VPS45: variants seen among roughly 807,000 people sequenced by gnomAD.
VPS45 encodes vacuolar protein sorting 45 homolog, also known as vacuolar protein sorting-associated protein 45.
Under a neutral mutation model 75.9 loss-of-function variants are expected in VPS45, and 35 were observed. The ratio of observed to expected loss-of-function variants is 0.46; its 90% CI spans 0.35 to 0.61. The LOEUF (loss-of-function observed/expected upper bound fraction) is 0.61. Among genes scored for constraint, VPS45 ranks in the 20% least tolerant of loss-of-function variants. VPS45 has a pLI of 0.00. For missense variants in VPS45, 559 were observed against 685.9 expected (o/e 0.81, Z 2.07); for synonymous variants, 220 against 238.2 (o/e 0.92, Z 0.70).
At chr1:150,082,600 A>G (rs1234868162) in intron 9 of VPS45, 116 bp from the exon 10 acceptor site, 3 of 1,264,890 alleles carry the variant, frequency 2.4e-6, no homozygotes, top group Admixed American at 4.6e-5. Context: ...TGAAAGTTGT[A>G]GATGCTTTAA....
At position 150,074,131 on chromosome 1, in the gene VPS45, C is replaced by A. The variant is rs12085962; in HGVS notation, c.289+1905C>A. Among the ~76,000 whole-genome samples, 856 of 151,924 alleles carry A rather than the reference C, an allele frequency of 5.6e-3. 12 individuals carry two copies. Among genetic ancestry groups the A allele is most frequent in the African/African-American group, 0.02 (817 of 41,442 alleles). ...CCGGGTTCAAGCGATTCTCCCACCT[C>A]AGCCTCCCGAGTAGCTAGGATTACA... On this transcript the variant is annotated intron_variant, in intron 3 of 14. Coordinates refer to ENST00000644510, the MANE Select transcript of VPS45 (RefSeq NM_007259.5).
rs1553816210 is a variant in VPS45, at chr1:150,144,830, CTT to C, written c.*35_*36del. 1.2e-6 allele frequency: 2 copies of C among 1,613,614 alleles called. No individual in the cohort carries two copies. Among genetic ancestry groups the C allele is most frequent in the South Asian group, 1.1e-5 (1 of 90,972 alleles). On this transcript the variant is annotated 3_prime_UTR_variant, in exon 15 of 15. Coordinates refer to ENST00000644510, the MANE Select transcript of VPS45 (RefSeq NM_007259.5). The stretch of plus-strand genomic sequence containing the variant: ...TTGGGGGAAGGGCACAGCTTCCTCT[CTT>C]GTCCCCACTACAGGTTTTCCCTACT...
At position 150,081,004 on chromosome 1, in the gene VPS45, C is replaced by A. The variant is rs191280603; in HGVS notation, c.688-338C>A. Among the ~76,000 whole-genome samples the A allele has an allele frequency of 7.0e-3, 1,067 of 152,248 alleles. 8 individuals are homozygous for A. Among genetic ancestry groups the A allele is most frequent in the Middle Eastern group, 0.034 (10 of 294 alleles). On this transcript the variant is annotated intron_variant, in intron 7 of 14. Transcript: ENST00000644510. ...GCTTGTAACTGCAGTACCAATATAG[C>A]TCTATCTGTGAAGCCAAAAATATAC...
At chr1:150,100,244 AAAAAT>A (rs1446203065) in intron 13 of VPS45, among the ~76,000 whole-genome samples, 1 of 152,212 alleles carries the variant, frequency 6.6e-6, no homozygotes, top group African/African-American at 2.4e-5. Context: ...CTGCCACCAA[AAAAAT>A]AAAATACCTA....
intron 14 of VPS45, among the ~76,000 whole-genome samples, chr1:150,131,078 T>G (rs1658807217): frequency 6.6e-6 from 1 of 152,106 alleles, no homozygotes; most frequent in South Asian, 2.1e-4. Context: ...GGTGTAAGCG[T>G]TTTTAAGATG....
In VPS45 at chr1:150,077,182, G is replaced by C. The variant is rs142225617; in HGVS notation, c.527G>C (p.Arg176Pro). 6.2e-7 allele frequency: 1 copy of C among 1,614,042 alleles called. No homozygotes were observed. Among genetic ancestry groups the C allele is most frequent in the Non-Finnish European group, 8.5e-7 (1 of 1,180,000 alleles). ...LLSLKKCPMI[R>P]YQLSSEAAKR... ...TCTCTGAAGAAGTGTCCCATGATTC[G>C]TTATCAGCTCTCATCAGAGGCAGCA... The change falls in exon 6 of 15, where the codon CGT becomes CCT. Residue 176 changes from arginine (R) to proline (P), a missense_variant. Arg to Pro is a moderately radical substitution (Grantham distance 103). Transcript: ENST00000644510.
At chr1:150,098,053 T>TG (rs1324716463) in intron 13 of VPS45, among the ~76,000 whole-genome samples, 7 of 152,166 alleles carry the variant, frequency 4.6e-5, no homozygotes, top group African/African-American at 1.7e-4. Context: ...TTTGCTATGT[T>TG]GCCTAGGCTT....
intron 14 of VPS45, among the ~76,000 whole-genome samples, chr1:150,117,474 A>G (rs1658000673): frequency 6.6e-6 from 1 of 151,876 alleles, no homozygotes; most frequent in African/African-American, 2.4e-5. Context: ...GTGAGCCGAG[A>G]TCGCACCACT....
At chr1:150,100,129 C>T (rs1396806115) in intron 13 of VPS45, among the ~76,000 whole-genome samples, 1 of 152,202 alleles carries the variant, frequency 6.6e-6, no homozygotes, top group Non-Finnish European at 1.5e-5. Context: ...TAAACAACTT[C>T]AGCAAAGTTG....
intron 14 of VPS45, among the ~76,000 whole-genome samples, chr1:150,143,599 AAG>A (rs1553815887): frequency 0.016 from 2,414 of 151,530 alleles, 64 homozygotes; most frequent in African/African-American, 0.056. Flanking sequence ...AAAAAAAAAA[AAG>A]AAGATTTCAG....
chr1:150,137,378 A>G (rs1659166372), intron 14 of VPS45, among the ~76,000 whole-genome samples: 1 of 152,236 alleles, frequency 6.6e-6, no homozygotes, highest in African/African-American at 2.4e-5. Flanking sequence ...AAGGATGAAG[A>G]AAGTAATACT....
chr1:150,126,615 A>G (rs1553810800), intron 14 of VPS45, among the ~76,000 whole-genome samples: 1 of 152,214 alleles, frequency 6.6e-6, no homozygotes, highest in African/African-American at 2.4e-5. Flanking sequence ...AACTCATCAA[A>G]GAATATCCTT....
At chr1:150,126,734 A>G (rs1415481601) in intron 14 of VPS45, among the ~76,000 whole-genome samples, 2 of 152,020 alleles carry the variant, frequency 1.3e-5, no homozygotes, top group South Asian at 2.1e-4. Context: ...GGGAGGCTCA[A>G]TTGGGAGGAT....
intron 7 of VPS45, among the ~76,000 whole-genome samples, chr1:150,079,888 A>G (rs1443747829): frequency 6.6e-6 from 1 of 152,230 alleles, no homozygotes; most frequent in Admixed American, 6.5e-5. Flanking sequence ...GATAATATCA[A>G]AAAGTAGAAA....
intron 14 of VPS45, among the ~76,000 whole-genome samples, chr1:150,118,191 C>T (rs1187860859): frequency 4.2e-5 from 6 of 142,422 alleles, no homozygotes; most frequent in Non-Finnish European, 7.6e-5. Context: ...GGCTGAGGCA[C>T]GAGAATCACT....
intron 14 of VPS45, among the ~76,000 whole-genome samples, chr1:150,133,815 A>G (rs1553812971): frequency 6.6e-6 from 1 of 152,164 alleles, no homozygotes; most frequent in Non-Finnish European, 1.5e-5. Context: ...TGAGGAGTCC[A>G]TTTTTAACCC....
intron 14 of VPS45, chr1:150,142,928 C>CA (rs1553815681): frequency 9.4e-5 from 41 of 435,656 alleles, no homozygotes; most frequent in Non-Finnish European, 1.2e-4. Context: ...GCTGGGATTA[C>CA]AGCGTAAGCC....
rs985562704 is a variant in VPS45, at chr1:150,082,873, G to A, written c.1094G>A (p.Ser365Asn). The A allele has an allele frequency of 6.2e-7, 1 of 1,613,662 alleles. No individual in the cohort carries two copies. Among genetic ancestry groups the A allele is most frequent in the African/African-American group, 1.3e-5 (1 of 74,906 alleles). ...CTGGCCTGTCAAAATGACCATTCTA[G>A]TGCTCTCCAGGTCAGTCCAATTTGA... Reference protein sequence around the residue: ...QELACQNDHSSALQNIKRLLQ... With the variant: ...QELACQNDHSNALQNIKRLLQ... Residue 365 changes from serine to asparagine, a missense_variant, in exon 10 of 15, where the codon AGT becomes AAT. Ser to Asn is a conservative substitution (Grantham distance 46). Coordinates refer to ENST00000644510, the MANE Select transcript of VPS45 (RefSeq NM_007259.5).
At chr1:150,078,190 A>G (rs72692900) in intron 7 of VPS45, among the ~76,000 whole-genome samples, 16,134 of 152,198 alleles carry the variant, frequency 0.11, 1,202 homozygotes, top group Non-Finnish European at 0.17. Context: ...CACAAGTACA[A>G]TTTCCTAAAG....
Sources: allele counts gnomAD v4.1 joint callset (sites outside exome capture counted in the v4.1 genomes callset), GRCh38; gene constraint gnomAD v4.1.1; transcripts MANE v1.5; gene names NCBI Gene and HGNC (gene_info 2026-07-23, HGNC 2026-07-21).